The following SHROOM4 variants were observed in gnomAD, a reference collection of about 807,000 sequenced individuals.
The protein encoded by SHROOM4 is protein Shroom4.
A neutral mutation model predicts 80.3 loss-of-function variants in SHROOM4; 17 were observed. The ratio of observed to expected loss-of-function variants is 0.21; its 90% CI spans 0.14 to 0.32. The LOEUF is 0.32. Among genes scored for constraint, SHROOM4 ranks in the 10% least tolerant of loss-of-function variants. SHROOM4 has a pLI of 1.00. For missense variants in SHROOM4, 993 were observed against 1,140.3 expected (o/e 0.87, Z 1.86); for synonymous variants, 400 against 437.5 (o/e 0.91, Z 1.07).
chrX:50,618,202 C>G (rs1349038843), intron 5 of SHROOM4, among the ~76,000 whole-genome samples: 2 of 110,762 alleles, frequency 1.8e-5, no homozygotes, highest in Non-Finnish European at 3.8e-5. Context: ...AGGATTCTTT[C>G]CTTGGAGTGG....
intron 1 of SHROOM4, among the ~76,000 whole-genome samples, chrX:50,805,532 A>G (rs782088886): frequency 1.3e-4 from 14 of 111,765 alleles, no homozygotes; most frequent in Non-Finnish European, 2.4e-4. Context: ...AAGTTAACAG[A>G]CCATGTCCTC....
At chrX:50,781,071 C>T (rs1404343875) in intron 1 of SHROOM4, among the ~76,000 whole-genome samples, 3 of 111,109 alleles carry the variant, frequency 2.7e-5, no homozygotes, top group South Asian at 3.9e-4. Flanking sequence ...AAGATGGATG[C>T]CCAGCTAAAG....
intron 1 of SHROOM4, among the ~76,000 whole-genome samples, chrX:50,789,995 C>G (rs1161372284): frequency 8.9e-6 from 1 of 112,180 alleles, no homozygotes. Flanking sequence ...CAAACCTATA[C>G]AGTATCTTAC....
intron 1 of SHROOM4, among the ~76,000 whole-genome samples, chrX:50,799,545 T>C (rs1209309518): frequency 1.8e-5 from 2 of 111,538 alleles, no homozygotes; most frequent in African/African-American, 6.5e-5. Context: ...CATTCTCAGC[T>C]TTGAGTAAAA....
chrX:50,635,191 C>T lies in SHROOM4; in HGVS notation c.882G>A (p.Glu294=). The change falls in exon 4 of 9, where the codon GAG becomes GAA. Residue 294 remains glutamate (E), a synonymous_variant. Transcript: ENST00000376020. Reference sequence around the variant, plus strand: ...CCACAGGCTCAGATGCCCTGCGCTGCTCTCCATTGAGGAGTTGGGCTCTGG... The same window carrying T: ...CCACAGGCTCAGATGCCCTGCGCTGTTCTCCATTGAGGAGTTGGGCTCTGG... ...QASRAQLLNG[E]QRRASEPVVP... is the part of the protein sequence containing the mutation. 8.3e-7 allele frequency: 1 copy of T among 1,204,523 alleles called. No homozygotes were observed. Among genetic ancestry groups the T allele is most frequent in the Non-Finnish European group, 1.1e-6 (1 of 891,541 alleles).
intron 2 of SHROOM4, among the ~76,000 whole-genome samples, chrX:50,660,562 CCCTCCCTCCCTCCCTT>C (rs1347599784): frequency 5.8e-4 from 35 of 59,926 alleles, no homozygotes; most frequent in African/African-American, 1.9e-3. Flanking sequence ...CTCCCTCCCT[CCCTCCCTCCCTCCCTT>C]CCTCCCTCCC....
chrX:50,765,386 A>G (rs1163163501), intron 1 of SHROOM4, among the ~76,000 whole-genome samples: 1 of 112,146 alleles, frequency 8.9e-6, no homozygotes, highest in Non-Finnish European at 1.9e-5. Context: ...AGCAGAAAGT[A>G]AAAATGAGTT....
intron 1 of SHROOM4, among the ~76,000 whole-genome samples, chrX:50,777,085 C>T (rs782277144): frequency 2.7e-5 from 3 of 111,771 alleles, no homozygotes; most frequent in African/African-American, 6.5e-5. Context: ...AAGGCAAGAA[C>T]TAGGCATTTA....
intron 1 of SHROOM4, among the ~76,000 whole-genome samples, chrX:50,793,093 C>T (rs782581952): frequency 1.8e-5 from 2 of 109,468 alleles, no homozygotes; most frequent in Admixed American, 2.0e-4. Flanking sequence ...TGGCATAAGA[C>T]ACAATGAAAT....
intron 2 of SHROOM4, among the ~76,000 whole-genome samples, chrX:50,673,511 C>G (rs1360041338): frequency 9.2e-6 from 1 of 109,042 alleles, no homozygotes; most frequent in Non-Finnish European, 1.9e-5. Context: ...AAAAAGAGAA[C>G]AAAGAGAAAA....
At chrX:50,613,614 G>T (rs1930091287) in intron 5 of SHROOM4, among the ~76,000 whole-genome samples, 2 of 111,410 alleles carry the variant, frequency 1.8e-5, no homozygotes, top group Non-Finnish European at 3.8e-5. Flanking sequence ...ATATATGCAG[G>T]ATCTATACGC....
At chrX:50,651,544 T>C (rs1342753729) in intron 2 of SHROOM4, among the ~76,000 whole-genome samples, 2 of 111,924 alleles carry the variant, frequency 1.8e-5, no homozygotes, top group Non-Finnish European at 3.8e-5. Flanking sequence ...CTCGACCTTT[T>C]GGATCAGAAA....
chrX:50,658,518 T>G (rs1225243726), intron 2 of SHROOM4, among the ~76,000 whole-genome samples: 1 of 111,709 alleles, frequency 9.0e-6, no homozygotes, highest in Non-Finnish European at 1.9e-5. Flanking sequence ...ATACATCTTT[T>G]CAGAGTGCAA....
At chrX:50,805,509 A>G (rs1240334241) in intron 1 of SHROOM4, among the ~76,000 whole-genome samples, 3 of 111,986 alleles carry the variant, frequency 2.7e-5, no homozygotes, top group Non-Finnish European at 5.6e-5. Flanking sequence ...GTAACATTAA[A>G]AGAGTTGAGT....
intron 2 of SHROOM4, among the ~76,000 whole-genome samples, chrX:50,646,810 A>G (rs187109821): frequency 2.9e-4 from 32 of 109,839 alleles, no homozygotes; most frequent in Non-Finnish European, 5.1e-4. Context: ...CCTGGCTACA[A>G]AGAAACCCAG....
chrX:50,803,716 T>C (rs1371004836), intron 1 of SHROOM4, among the ~76,000 whole-genome samples: 4 of 112,407 alleles, frequency 3.6e-5, no homozygotes, highest in Non-Finnish European at 7.5e-5. Flanking sequence ...GTAATGCAGC[T>C]CTTCAACAAA....
chrX:50,629,045 G>T (rs1456144290), intron 4 of SHROOM4, among the ~76,000 whole-genome samples: 2 of 111,899 alleles, frequency 1.8e-5, no homozygotes, highest in Non-Finnish European at 1.9e-5. Flanking sequence ...TCCATGCCCT[G>T]TCTAGCCCTG....
intron 1 of SHROOM4, among the ~76,000 whole-genome samples, chrX:50,760,524 G>T (rs1355823991): frequency 9.1e-6 from 1 of 109,486 alleles, no homozygotes; most frequent in Non-Finnish European, 1.9e-5. Context: ...TTTCTTTAGG[G>T]ATGGGATCTT....
chrX:50,646,702 C>A (rs1569547007), intron 2 of SHROOM4, among the ~76,000 whole-genome samples: 1 of 109,195 alleles, frequency 9.2e-6, no homozygotes, highest in Non-Finnish European at 1.9e-5. Flanking sequence ...TGCCTCCCTG[C>A]CTCCCCTCCT....
Sources: allele counts gnomAD v4.1 joint callset (sites outside exome capture counted in the v4.1 genomes callset), GRCh38; gene constraint gnomAD v4.1.1; transcripts MANE v1.5; gene names NCBI Gene and HGNC (gene_info 2026-07-23, HGNC 2026-07-21).